The following NOLC1 variants were observed in gnomAD, a reference collection of about 807,000 sequenced individuals.
NOLC1 encodes nucleolar and coiled-body phosphoprotein 1.
In NOLC1, 37 loss-of-function variants were observed where a neutral mutation model predicts 73.4. The ratio of observed to expected loss-of-function variants is 0.50; its 90% CI spans 0.39 to 0.66. The LOEUF (loss-of-function observed/expected upper bound fraction) is 0.66, where lower values mean the gene tolerates loss of function less well. Among genes scored for constraint, NOLC1 ranks in the 30% least tolerant of loss-of-function variants. The probability of loss-of-function intolerance (pLI) is 0.00; values close to 1 mark genes in which losing one functional copy is unlikely to be tolerated. For missense variants in NOLC1, 921 were observed against 838.9 expected (o/e 1.10, Z -1.21); for synonymous variants, 327 against 302.6 (o/e 1.08, Z -0.84).
Position 102,163,589 on chromosome 10 carries a change from G to C in NOLC1, c.*1320G>C, listed in dbSNP as rs2069748096. 6.6e-6 allele frequency: 1 copy of C among 152,184 alleles called. No homozygotes were observed. The highest frequency in any genetic ancestry group is 1.5e-5 in the Non-Finnish European group (1 of 68,044). The allele number at this position is 152,184 out of a possible 1,614,324, so 9.4% of individuals were successfully genotyped here. Reference sequence around the variant, plus strand: ...ACTGAGCAGTAGCGGTACTCAGCCAGACCAAGACGGAGAGGGAAGAGTCCA... The same window carrying C: ...ACTGAGCAGTAGCGGTACTCAGCCACACCAAGACGGAGAGGGAAGAGTCCA... On this transcript the variant is annotated 3_prime_UTR_variant, in exon 13 of 13. Coordinates refer to ENST00000605788, the MANE Select transcript of NOLC1 (RefSeq NM_004741.5).
At chr10:102,161,760 G>A in intron 11 of NOLC1, 73 bp from the exon 12 acceptor site, 3 of 1,531,014 alleles carry the variant, frequency 2.0e-6, no homozygotes, top group East Asian at 2.2e-5. Context: ...TGGTACATGT[G>A]CCCATGTGTA....
rs529484131 is a variant in NOLC1, at chr10:102,162,904, T to C, written c.*635T>C. On this transcript the variant is annotated 3_prime_UTR_variant, in exon 13 of 13. Transcript: ENST00000605788. Reference sequence around the variant, plus strand: ...ACTTTTTGGGATAAAATTCTCTGTTTTGTTACAGGCAAAATTCTGGTATGG... The same window carrying C: ...ACTTTTTGGGATAAAATTCTCTGTTCTGTTACAGGCAAAATTCTGGTATGG... 1.3e-5 allele frequency: 2 copies of C among 152,370 alleles called. No individual in the cohort carries two copies. Among genetic ancestry groups the C allele is most frequent in the East Asian group, 1.9e-4 (1 of 5,196 alleles). The allele number at this position is 152,370 out of a possible 1,614,324, so 9.4% of individuals were successfully genotyped here.
In NOLC1 at chr10:102,160,481, CCTT is replaced by C. The variant is rs548784326; in HGVS notation, c.1132_1134del (p.Ser378del). ...TGACAGCTCTGAGGATGATGAAGCTCCTTCTAAGCCAGCTGGTACCACCAAGAA... is the reference window on the plus strand; with the variant it reads ...TGACAGCTCTGAGGATGATGAAGCTCCTAAGCCAGCTGGTACCACCAAGAA... On this transcript the variant is annotated inframe_deletion, in exon 10 of 13. Transcript: ENST00000605788. 239 of 1,614,002 alleles carry C rather than the reference CCTT, an allele frequency of 1.5e-4. No individual in the cohort carries two copies. In the East Asian group the frequency reaches 5.2e-3, roughly 35 times the overall value.
Position 102,160,031 on chromosome 10 carries a change from C to CA in NOLC1, c.988+8dup, listed in dbSNP as rs780504435. 1.2e-6 allele frequency: 2 copies of CA among 1,611,056 alleles called. No individual in the cohort carries two copies. The highest frequency in any genetic ancestry group is 1.7e-6 in the Non-Finnish European group (2 of 1,178,514). On this transcript the variant is annotated splice_region_variant and intron_variant, in intron 8 of 12. Transcript: ENST00000605788. ...GACAGCAGTGATGAGTCTGGTGAGTCAGAGGGATGCAGCCTCCCCTCAGCG... is the reference window on the plus strand; with the variant it reads ...GACAGCAGTGATGAGTCTGGTGAGTCAAGAGGGATGCAGCCTCCCCTCAGCG...
In NOLC1 at chr10:102,152,489, C is replaced by T. The variant is rs1289684347; in HGVS notation, c.79C>T (p.Leu27Phe). 4 of 1,613,886 alleles carry T rather than the reference C, an allele frequency of 2.5e-6. No homozygotes were observed. The highest frequency in any genetic ancestry group is 3.4e-6 in the Non-Finnish European group (4 of 1,180,040). ...LVLGFLRDNQ[L>F]SEVANKFAKA... ...GCTCGGCTTCCTGCGCGATAACCAA[C>T]TCTCAGAGGTGGCCAATAAGTTCGC... Residue 27 changes from leucine (L) to phenylalanine (F), a missense_variant, in exon 1 of 13, where the codon CTC (leucine) becomes TTC (phenylalanine). Leu to Phe is a conservative substitution (Grantham distance 22). Transcript: ENST00000605788.
chr10:102,154,454 A>G (rs2069557245), intron 1 of NOLC1, among the ~76,000 whole-genome samples: 1 of 152,156 alleles, frequency 6.6e-6, no homozygotes, highest in African/African-American at 2.4e-5. Flanking sequence ...TATAGAAAAG[A>G]AAATAATCTC....
At chr10:102,156,946 G>A in intron 1 of NOLC1, 73 bp from the exon 2 acceptor site, 2 of 1,406,074 alleles carry the variant, frequency 1.4e-6, no homozygotes, top group Non-Finnish European at 2.0e-6. Flanking sequence ...AATTATGTAT[G>A]TAACAGGCCA....
At position 102,160,706 on chromosome 10, in the gene NOLC1, A is replaced by C. The variant is rs1270089476; in HGVS notation, c.1354A>C (p.Lys452Gln). The change falls in exon 10 of 13, where the codon AAA (lysine) becomes CAA (glutamine). Residue 452 changes from lysine to glutamine, a missense_variant. Physicochemically the swap from Lys to Gln is moderately conservative, Grantham distance 53 (BLOSUM62 1). Transcript: ENST00000605788. ...VATTKPKATA[K>Q]AALSLPAKQA... ...CACCACTAAGCCCAAGGCGACTGCC[A>C]AAGCAGCTCTATCTCTGCCTGCCAA... The C allele has an allele frequency of 6.2e-7, 1 of 1,614,132 alleles. No homozygotes were observed. Among genetic ancestry groups the C allele is most frequent in the South Asian group, 1.1e-5 (1 of 91,086 alleles).
intron 5 of NOLC1, 51 bp from the exon 6 acceptor site, chr10:102,159,142 T>G (rs1035494216): frequency 2.5e-6 from 4 of 1,586,546 alleles, no homozygotes; most frequent in Non-Finnish European, 3.4e-6. Flanking sequence ...TTTTTCATGG[T>G]CCTGACTTGC....
Position 102,161,883 on chromosome 10 carries a change from T to C in NOLC1, c.1899T>C (p.Ile633=). 6.2e-7 allele frequency: 1 copy of C among 1,614,046 alleles called. No homozygotes were observed. The highest frequency in any genetic ancestry group is 8.5e-7 in the Non-Finnish European group (1 of 1,180,010). ...SPFRRVREEE[I]EVDSRVADNS... ...TCCGAAGGGTCAGGGAGGAGGAAAT[T>C]GAGGTGGATTCACGAGTTGCGGACA... Residue 633 remains isoleucine, a synonymous_variant, in exon 12 of 13, where the codon ATT becomes ATC. Coordinates refer to ENST00000605788, the MANE Select transcript of NOLC1 (RefSeq NM_004741.5).
intron 1 of NOLC1, among the ~76,000 whole-genome samples, chr10:102,153,089 C>T (rs2069533645): frequency 6.6e-6 from 1 of 152,216 alleles, no homozygotes; most frequent in African/African-American, 2.4e-5. Context: ...TAGTAGTGGG[C>T]TTGGAGCTTT....
intron 1 of NOLC1, among the ~76,000 whole-genome samples, chr10:102,154,676 C>T (rs2069560832): frequency 6.6e-6 from 1 of 151,948 alleles, no homozygotes; most frequent in Non-Finnish European, 1.5e-5. Context: ...TTACAGGCGC[C>T]CGCCTCCACG....
At chr10:102,161,363 C>T (rs1018598703) in intron 10 of NOLC1, among the ~76,000 whole-genome samples, 193 bp from the exon 11 acceptor site, 26 of 151,928 alleles carry the variant, frequency 1.7e-4, no homozygotes, top group African/African-American at 4.4e-4. Context: ...CCTGAGTAGC[C>T]GGGACTACAA....
chr10:102,155,040 T>TG (rs1030833097), intron 1 of NOLC1, among the ~76,000 whole-genome samples: 29 of 146,280 alleles, frequency 2.0e-4, no homozygotes, highest in Non-Finnish European at 3.7e-4. Flanking sequence ...TTTTTTTTTT[T>TG]TGTGACAGTT....
intron 12 of NOLC1, 76 bp from the exon 13 acceptor site, chr10:102,162,035 C>T (rs2069718832): frequency 6.2e-7 from 1 of 1,601,674 alleles, no homozygotes; most frequent in African/African-American, 1.3e-5. Context: ...TTTCCTTGAG[C>T]AGGGAGTAGA....
At position 102,162,638 on chromosome 10, in the gene NOLC1, AAAATCTTGGCTATTGCCCAAAAC is replaced by A. The variant is rs2069733613; in HGVS notation, c.*371_*393del. On this transcript the variant is annotated 3_prime_UTR_variant, in exon 13 of 13. Transcript: ENST00000605788. ...TTTTCAAAGGTGGATTCCCACAGAT[AAAATCTTGGCTATTGCCCAAAAC>A]ATAGTAAAGGGTCACGTGTGACTTT... 6.3e-6 allele frequency: 1 copy of A among 158,584 alleles called. No individual in the cohort carries two copies. The highest frequency in any genetic ancestry group is 1.4e-5 in the Non-Finnish European group (1 of 72,192). 9.8% of individuals were successfully genotyped at this position (158,584 alleles called of 1,614,324 possible).
At chr10:102,161,521 T>A (rs1310293195) in intron 10 of NOLC1, 35 bp from the exon 11 acceptor site, 1 of 1,534,022 alleles carries the variant, frequency 6.5e-7, no homozygotes, top group Non-Finnish European at 9.0e-7. Context: ...TGTGAGCCAC[T>A]GTACTCGGCC....
intron 5 of NOLC1, 58 bp downstream of exon 5, chr10:102,158,272 G>A (rs1402776159): frequency 2.0e-6 from 3 of 1,514,518 alleles, no homozygotes; most frequent in African/African-American, 2.8e-5. Flanking sequence ...GGGGACTGGA[G>A]TTAAAATTGC....
At position 102,157,299 on chromosome 10, in the gene NOLC1, A is replaced by C. The variant is rs780346413; in HGVS notation, c.287A>C (p.Glu96Ala). Residue 96 changes from glutamate (E) to alanine (A), a missense_variant, in exon 3 of 13, where the codon GAA becomes GCA. Physicochemically the swap from Glu to Ala is moderately radical, Grantham distance 107 (BLOSUM62 -1). Coordinates refer to ENST00000605788, the MANE Select transcript of NOLC1 (RefSeq NM_004741.5). ...GAGGACAGCAGCGAGGAGGAGGAGG[A>C]AGTTCAAGGGCCTCCAGCAAAGAAG... ...DSEDSSEEEEEVQGPPAKKAA... is the reference protein window; with the variant it reads ...DSEDSSEEEEAVQGPPAKKAA... 1 of 1,614,138 alleles carries C rather than the reference A, an allele frequency of 6.2e-7. No homozygotes were observed. Among genetic ancestry groups the C allele is most frequent in the South Asian group, 1.1e-5 (1 of 91,070 alleles).
Sources: allele counts gnomAD v4.1 joint callset (sites outside exome capture counted in the v4.1 genomes callset), GRCh38; gene constraint gnomAD v4.1.1; transcripts MANE v1.5; gene names NCBI Gene and HGNC (gene_info 2026-07-23, HGNC 2026-07-21).